Variants in RALA observed in about 807,000 individuals in gnomAD.
RALA encodes the protein ras-related protein Ral-A.
RALA carries 5 observed loss-of-function variants against 24.0 expected under a neutral mutation model. That is an observed-to-expected ratio of 0.21 (90% confidence interval 0.11 to 0.44). The LOEUF (loss-of-function observed/expected upper bound fraction) is 0.44, where lower values mean the gene tolerates loss of function less well. Among genes scored for constraint, RALA ranks in the 20% least tolerant of loss-of-function variants. RALA has a pLI of 0.99. For synonymous variants in RALA, 77 were observed against 83.8 expected (o/e 0.92, Z 0.44); for missense variants, 95 against 241.2 (o/e 0.39, Z 4.01).
At chr7:39,659,322 A>G (rs1384874370) in intron 1 of RALA, among the ~76,000 whole-genome samples, 1 of 152,022 alleles carries the variant, frequency 6.6e-6, no homozygotes, top group Non-Finnish European at 1.5e-5. Flanking sequence ...TTAAATTTAG[A>G]TTTTTCAGTA....
chr7:39,677,194 C>G (rs1316588076), intron 1 of RALA, among the ~76,000 whole-genome samples: 2 of 152,216 alleles, frequency 1.3e-5, no homozygotes, highest in South Asian at 2.1e-4. Context: ...AGCACATTCT[C>G]CCCTGAAGCC....
intron 1 of RALA, among the ~76,000 whole-genome samples, chr7:39,659,299 A>G (rs990959152): frequency 1.3e-5 from 2 of 152,176 alleles, no homozygotes; most frequent in Admixed American, 1.3e-4. Context: ...TAAAAAATAA[A>G]TATGATCAAA....
At chr7:39,666,266 C>T (rs1792285738) in intron 1 of RALA, among the ~76,000 whole-genome samples, 1 of 152,102 alleles carries the variant, frequency 6.6e-6, no homozygotes, top group African/African-American at 2.4e-5. Context: ...TCTGACTTTA[C>T]TCTCTAAGTT....
Position 39,686,103 on chromosome 7 carries a change from G to A in RALA, c.-37-528G>A, listed in dbSNP as rs148453303. On this transcript the variant is annotated intron_variant, in intron 1 of 4. Transcript: ENST00000005257. ...CGCTTGTAGTCCCAGCTACTCAGGA[G>A]GCTGAGGCACAAGAATCGCTTGAAC... Among the ~76,000 whole-genome samples the A allele has an allele frequency of 3.7e-3, 568 of 152,032 alleles. 4 individuals are homozygous for A. Among genetic ancestry groups the A allele is most frequent in the African/African-American group, 0.013 (551 of 41,458 alleles).
intron 4 of RALA, among the ~76,000 whole-genome samples, chr7:39,704,787 T>C (rs577899352): frequency 1.3e-5 from 2 of 152,256 alleles, no homozygotes; most frequent in East Asian, 3.9e-4. Flanking sequence ...GCAATTCTTG[T>C]GCCTCAGCCT....
At chr7:39,635,494 C>T (rs530192211) in intron 1 of RALA, among the ~76,000 whole-genome samples, 47 of 152,270 alleles carry the variant, frequency 3.1e-4, no homozygotes, top group Middle Eastern at 6.8e-3. Flanking sequence ...CATTAGTCAT[C>T]AGTCCTGATT....
At chr7:39,693,626 A>C (rs1013909064) in intron 3 of RALA, among the ~76,000 whole-genome samples, 7 of 152,188 alleles carry the variant, frequency 4.6e-5, no homozygotes, top group African/African-American at 1.7e-4. Context: ...CTGGTTAAGA[A>C]AGTCACAGCA....
At chr7:39,678,344 C>T (rs1792525624) in intron 1 of RALA, among the ~76,000 whole-genome samples, 1 of 152,136 alleles carries the variant, frequency 6.6e-6, no homozygotes, top group African/African-American at 2.4e-5. Context: ...ACTAAACATA[C>T]AAGGGCAGGA....
intron 1 of RALA, among the ~76,000 whole-genome samples, chr7:39,665,648 G>GTTT (rs34551838): frequency 1.4e-5 from 2 of 145,562 alleles, no homozygotes; most frequent in African/African-American, 2.5e-5. Flanking sequence ...CTGCAATGTA[G>GTTT]TTTTTTTTTT....
intron 1 of RALA, among the ~76,000 whole-genome samples, chr7:39,685,988 T>C (rs1303969635): frequency 3.9e-5 from 6 of 152,104 alleles, no homozygotes; most frequent in African/African-American, 1.4e-4. Context: ...GGCGGATCAT[T>C]AGAGGCCAGG....
chr7:39,649,451 A>G (rs546279300), intron 1 of RALA, among the ~76,000 whole-genome samples: 3 of 152,348 alleles, frequency 2.0e-5, no homozygotes, highest in Admixed American at 6.5e-5. Flanking sequence ...TCACGAGCGC[A>G]GAGTCCTCAT....
intron 1 of RALA, among the ~76,000 whole-genome samples, chr7:39,626,107 T>TA (rs1291882695): frequency 6.6e-6 from 1 of 152,216 alleles, no homozygotes; most frequent in Non-Finnish European, 1.5e-5. Flanking sequence ...TCTTAGACAC[T>TA]AAGGAGAGGG....
chr7:39,660,628 T>G (rs1792170739), intron 1 of RALA, among the ~76,000 whole-genome samples: 1 of 152,202 alleles, frequency 6.6e-6, no homozygotes, highest in Non-Finnish European at 1.5e-5. Context: ...ATATTGCATT[T>G]TTGGAATACA....
At chr7:39,645,841 A>G (rs1791916076) in intron 1 of RALA, among the ~76,000 whole-genome samples, 1 of 152,206 alleles carries the variant, frequency 6.6e-6, no homozygotes, top group Non-Finnish European at 1.5e-5. Context: ...AATTCATGCC[A>G]TGAATTTAGA....
intron 2 of RALA, 144 bp from the exon 3 acceptor site, chr7:39,690,237 GT>G (rs1487225795): frequency 3.2e-6 from 2 of 631,196 alleles, no homozygotes; most frequent in Non-Finnish European, 5.2e-6. Context: ...AATTAGTGTA[GT>G]TTTTACCATT....
intron 1 of RALA, among the ~76,000 whole-genome samples, chr7:39,630,229 T>TG (rs1330748887): frequency 6.7e-6 from 1 of 148,448 alleles, no homozygotes; most frequent in Non-Finnish European, 1.5e-5. Flanking sequence ...TTTTTTTTTT[T>TG]TTTGTCAAGA....
chr7:39,692,634 C>T (rs981358036), intron 3 of RALA, among the ~76,000 whole-genome samples: 4 of 152,196 alleles, frequency 2.6e-5, no homozygotes, highest in African/African-American at 9.7e-5. Flanking sequence ...AACATCTTCT[C>T]ACCTCGGAAC....
chr7:39,626,819 TGG>T (rs1401935216), intron 1 of RALA, among the ~76,000 whole-genome samples: 1 of 152,246 alleles, frequency 6.6e-6, no homozygotes, highest in African/African-American at 2.4e-5. Context: ...CTAATGGAAA[TGG>T]GGGAGAAGCT....
chr7:39,691,614 G>A (rs116828198), intron 3 of RALA, among the ~76,000 whole-genome samples: 429 of 152,252 alleles, frequency 2.8e-3, no homozygotes, highest in African/African-American at 9.4e-3. Flanking sequence ...ACTAAACCAA[G>A]GCTTTTACAG....
Sources: gnomAD v4.1 joint callset for allele counts (sites outside exome capture counted in the v4.1 genomes callset) on GRCh38, gnomAD v4.1.1 for gene constraint, MANE v1.5 for transcripts, NCBI Gene and HGNC (gene_info 2026-07-23, HGNC 2026-07-21) for gene names.